MMRN2: variants seen among roughly 807,000 people sequenced by gnomAD.
MMRN2 encodes the protein multimerin 2.
MMRN2 carries 53 observed loss-of-function variants against 68.8 expected under a neutral mutation model. The observed-to-expected ratio is 0.77, with a 90% CI of 0.62 to 0.97. The LOEUF (loss-of-function observed/expected upper bound fraction) is 0.97, where lower values mean the gene tolerates loss of function less well. Among genes scored for constraint, MMRN2 ranks in the 50% least tolerant of loss-of-function variants. The pLI is 0.00. For synonymous variants in MMRN2, 564 were observed against 551.6 expected (o/e 1.02, Z -0.32); for missense variants, 1,266 against 1,259.5 (o/e 1.01, Z -0.08).
intron 6 of MMRN2, among the ~76,000 whole-genome samples, chr10:86,939,831 G>GTGTGTT (rs1554893306): frequency 6.6e-5 from 9 of 135,362 alleles, no homozygotes; most frequent in African/African-American, 2.2e-4. Context: ...GTGTGTGTGT[G>GTGTGTT]TGTGTGTTTG....
In MMRN2 at chr10:86,936,227, T is replaced by G; in HGVS notation, c.*516A>C. The stretch of plus-strand genomic sequence containing the variant: ...CCAGGCTGTCGTCTTCATTACTGAC[T>G]AATAGAGACCAAGCAGGTTGGTTTA... On this transcript the variant is annotated 3_prime_UTR_variant, in exon 7 of 7. Coordinates refer to ENST00000372027, the MANE Select transcript of MMRN2 (RefSeq NM_024756.3). 5.0e-6 allele frequency: 2 copies of G among 403,902 alleles called. No homozygotes were observed. Among genetic ancestry groups the G allele is most frequent in the Admixed American group, 4.1e-5 (1 of 24,674 alleles). 25.0% of individuals were successfully genotyped at this position (403,902 alleles called of 1,614,324 possible). A position where few individuals can be genotyped will look rare whatever the true frequency, so the allele number is the denominator to read the frequency against.
In MMRN2 at chr10:86,943,010, G is replaced by C. The variant is rs758285858; in HGVS notation, c.1774C>G (p.Leu592Val). 2.8e-6 allele frequency: 4 copies of C among 1,403,830 alleles called. No individual in the cohort carries two copies. The highest frequency in any genetic ancestry group is 3.7e-6 in the Non-Finnish European group (4 of 1,079,122). The allele number at this position is 1,403,830 out of a possible 1,614,324, so 87.0% of individuals were successfully genotyped here. Residue 592 changes from leucine to valine, a missense_variant, in exon 6 of 7, where the codon CTG becomes GTG. By Grantham distance (32) the Leu-to-Val change is conservative. Coordinates refer to ENST00000372027, the MANE Select transcript of MMRN2 (RefSeq NM_024756.3). The surrounding 1 kb of genome is among the most constrained non-coding windows in gnomAD (Gnocchi z 4.2). ...AAEARHEVRQ[L>V]HSAFAALLED... ...AGCAGGGCGGCGAAGGCGCTGTGCA[G>C]CTGGCGCACCTCGTGGCGGGCCTCG...
chr10:86,948,050 G>A (rs925533172), intron 1 of MMRN2, among the ~76,000 whole-genome samples: 3 of 151,902 alleles, frequency 2.0e-5, no homozygotes, highest in South Asian at 2.1e-4. Context: ...CCTGTGCAAC[G>A]TAGTGAGACC....
At chr10:86,948,454 T>C (rs1391830461) in intron 1 of MMRN2, among the ~76,000 whole-genome samples, 2 of 151,822 alleles carry the variant, frequency 1.3e-5, no homozygotes, top group African/African-American at 4.8e-5. Flanking sequence ...AAAAAGGAAC[T>C]CTTGGAAATT....
intron 4 of MMRN2, among the ~76,000 whole-genome samples, chr10:86,944,875 G>C (rs1349757826): frequency 6.6e-6 from 1 of 152,242 alleles, no homozygotes; most frequent in Non-Finnish European, 1.5e-5. Context: ...AGGGCTGTGG[G>C]AAAGGGTGAG....
At chr10:86,946,765 C>T (rs539980792) in intron 1 of MMRN2, among the ~76,000 whole-genome samples, 121 of 152,278 alleles carry the variant, frequency 7.9e-4, no homozygotes, top group South Asian at 7.1e-3. Flanking sequence ...TCTTGGGTGC[C>T]GGGTGCTGCA....
At position 86,942,327 on chromosome 10, in the gene MMRN2, G is replaced by A; in HGVS notation, c.2457C>T (p.Leu819=). 1.2e-6 allele frequency: 2 copies of A among 1,609,466 alleles called. No individual in the cohort carries two copies. The highest frequency in any genetic ancestry group is 1.7e-6 in the Non-Finnish European group (2 of 1,177,086). The change falls in exon 6 of 7, where the codon CTC becomes CTT. Residue 819 remains leucine (L), a synonymous_variant. Transcript: ENST00000372027. ...GPVPGALGAA[L]WEAGSPVAFY... ...AGCCCAGGAACTCACCTGCCTCCCA[G>A]AGCGCCGCGCCCAAGGCACCTGGCA...
intron 1 of MMRN2, chr10:86,945,891 C>A (rs1844061408): frequency 7.2e-7 from 1 of 1,388,260 alleles, no homozygotes; most frequent in Admixed American, 2.8e-5. Flanking sequence ...AAAGAGGGCA[C>A]CTGCTCCACC....
chr10:86,954,484 CT>C (rs1041921395), intron 1 of MMRN2, among the ~76,000 whole-genome samples: 5 of 152,148 alleles, frequency 3.3e-5, no homozygotes, highest in African/African-American at 1.2e-4. Flanking sequence ...GAGAGGGAGC[CT>C]GTGGGAGGGG....
Position 86,945,474 on chromosome 10 carries a change from T to C in MMRN2, c.296A>G (p.Tyr99Cys). 1 of 1,556,534 alleles carries C rather than the reference T, an allele frequency of 6.4e-7. No individual in the cohort carries two copies. The highest frequency in any genetic ancestry group is 1.9e-5 in the Admixed American group (1 of 51,358). ...GTACACTGGCTTGTGGGCCATGCGG[T>C]ACCTGGAAGAGGAGAAGGGCTGGCT... ...APDCQKVKVM[Y>C]RMAHKPVYQV... Residue 99 changes from tyrosine to cysteine, a missense_variant and splice_region_variant, in exon 3 of 7, where the codon TAC becomes TGC. Tyr to Cys is a radical substitution (Grantham distance 194). Coordinates refer to ENST00000372027, the MANE Select transcript of MMRN2 (RefSeq NM_024756.3).
In MMRN2 at chr10:86,936,224, G is replaced by C; in HGVS notation, c.*519C>G. On this transcript the variant is annotated 3_prime_UTR_variant, in exon 7 of 7. Coordinates refer to ENST00000372027, the MANE Select transcript of MMRN2 (RefSeq NM_024756.3). ...TGGCCAGGCTGTCGTCTTCATTACT[G>C]ACTAATAGAGACCAAGCAGGTTGGT... 1 of 402,480 alleles carries C rather than the reference G, an allele frequency of 2.5e-6. No homozygotes were observed. Among genetic ancestry groups the C allele is most frequent in the Non-Finnish European group, 4.4e-6 (1 of 228,570 alleles). 24.9% of individuals were successfully genotyped at this position (402,480 alleles called of 1,614,324 possible).
At position 86,943,416 on chromosome 10, in the gene MMRN2, G is replaced by A; in HGVS notation, c.1368C>T (p.Ile456=). The change falls in exon 6 of 7, where the codon ATC becomes ATT. Residue 456 remains isoleucine, a synonymous_variant. Coordinates refer to ENST00000372027, the MANE Select transcript of MMRN2 (RefSeq NM_024756.3). This position sits in a 1 kb window ranked among gnomAD's most constrained non-coding sequence, Gnocchi z 4.2. The part of the protein sequence containing the change: ...LRVILMEKSL[I]MEENKEEVER... Reference sequence around the variant, plus strand: ...CCACCTCCTCCTTGTTCTCCTCCATGATCAGAGACTTCTCCATCAGGATCA... The same window carrying A: ...CCACCTCCTCCTTGTTCTCCTCCATAATCAGAGACTTCTCCATCAGGATCA... 3.1e-6 allele frequency: 5 copies of A among 1,614,078 alleles called. No individual in the cohort carries two copies. The South Asian group carries it at 4.4e-5, about 14-fold the overall frequency.
In MMRN2 at chr10:86,945,233, C is replaced by T. The variant is rs1844048461; in HGVS notation, c.436G>A (p.Asp146Asn). ...MAIPEPADPGDSHQEPQDGPV... is the reference protein window; with the variant it reads ...MAIPEPADPGNSHQEPQDGPV... ...CCATCCTGAGGTTCCTGGTGGCTGTCACCAGGATCTGCAGGCTCAGGGATT... is the reference window on the plus strand; with the variant it reads ...CCATCCTGAGGTTCCTGGTGGCTGTTACCAGGATCTGCAGGCTCAGGGATT... Residue 146 changes from aspartate (D) to asparagine (N), a missense_variant, in exon 4 of 7, where the codon GAC becomes AAC. Physicochemically the swap from Asp to Asn is conservative, Grantham distance 23. Coordinates refer to ENST00000372027, the MANE Select transcript of MMRN2 (RefSeq NM_024756.3). 6.2e-7 allele frequency: 1 copy of T among 1,613,904 alleles called. No homozygotes were observed. The highest frequency in any genetic ancestry group is 8.5e-7 in the Non-Finnish European group (1 of 1,180,026).
At chr10:86,939,514 C>CCGG (rs1301054691) in intron 6 of MMRN2, among the ~76,000 whole-genome samples, 2 of 150,628 alleles carry the variant, frequency 1.3e-5, no homozygotes. Context: ...AAGTCAGAGG[C>CCGG]CGGCGGCTGC....
intron 1 of MMRN2, among the ~76,000 whole-genome samples, chr10:86,954,942 G>C (rs569777256): frequency 6.6e-6 from 1 of 152,158 alleles, no homozygotes; most frequent in Non-Finnish European, 1.5e-5. Context: ...TCATATGCTG[G>C]ACTCCTCTGG....
Position 86,943,235 on chromosome 10 carries a change from C to A in MMRN2, c.1549G>T (p.Glu517Ter), listed in dbSNP as rs1280176233. Residue 517 changes from glutamate (E) to a stop codon, truncating the protein, a stop_gained, in exon 6 of 7, where the codon GAG becomes TAG. Coordinates refer to ENST00000372027, the MANE Select transcript of MMRN2 (RefSeq NM_024756.3). LOFTEE classifies it high-confidence loss of function. This position sits in a 1 kb window ranked among gnomAD's most constrained non-coding sequence, Gnocchi z 4.2. ...CGCTCGTCCAGGCTCACCTGGGTCT[C>A]CTCCAGGGCACGCGTGGCGTCCCTC... is the stretch of plus-strand genomic sequence containing the variant. ...GQRDATRALE[E>*]TQVSLDERRQ... 6.2e-7 allele frequency: 1 copy of A among 1,612,152 alleles called. No homozygotes were observed. Among genetic ancestry groups the A allele is most frequent in the Non-Finnish European group, 8.5e-7 (1 of 1,179,160 alleles).
chr10:86,943,544 C>T lies in MMRN2; in HGVS notation c.1240G>A (p.Glu414Lys). The part of the protein sequence containing the change: ...TLTRHVDEIK[E>K]LYSESDETFD... The stretch of plus-strand genomic sequence containing the variant: ...GTCTCGTCCGATTCGGAGTACAGTT[C>T]CTTGATCTCATCCACGTGCCGGGTC... The change falls in exon 6 of 7, where the codon GAA becomes AAA. Residue 414 changes from glutamate (E) to lysine (K), a missense_variant. Physicochemically the swap from Glu to Lys is moderately conservative, Grantham distance 56. Transcript: ENST00000372027. This position sits in a 1 kb window ranked among gnomAD's most constrained non-coding sequence, Gnocchi z 4.2. The T allele has an allele frequency of 1.2e-6, 2 of 1,614,230 alleles. No homozygotes were observed. Among genetic ancestry groups the T allele is most frequent in the African/African-American group, 2.7e-5 (2 of 75,068 alleles).
At chr10:86,937,544 C>T (rs1187651964) in intron 6 of MMRN2, among the ~76,000 whole-genome samples, 2 of 151,926 alleles carry the variant, frequency 1.3e-5, no homozygotes, top group South Asian at 2.1e-4. Flanking sequence ...GCCTCAGCTT[C>T]CCAAAATGTT....
intron 6 of MMRN2, 50 bp downstream of exon 6, chr10:86,942,267 C>G: frequency 3.3e-6 from 5 of 1,531,530 alleles, no homozygotes; most frequent in Non-Finnish European, 3.5e-6. Context: ...CTGCCGGCAG[C>G]CGGCCCTGGC....
Sources: gnomAD v4.1 joint callset for allele counts (sites outside exome capture counted in the v4.1 genomes callset) on GRCh38, gnomAD v4.1.1 for gene constraint, Gnocchi (gnomAD v3.1) non-coding constraint, MANE v1.5 for transcripts, NCBI Gene and HGNC (gene_info 2026-07-23, HGNC 2026-07-21) for gene names.